ZNF891: variants seen among roughly 807,000 people sequenced by gnomAD.
ZNF891 encodes zinc finger protein 891.
For missense variants in ZNF891, 589 were observed against 632.7 expected, an observed-to-expected ratio of 0.93 and a Z score of 0.74; for synonymous variants, 199 against 209.0, an observed-to-expected ratio of 0.95 and a Z score of 0.41.
At chr12:133,125,042 C>A (rs1051942580) in intron 1 of ZNF891, among the ~76,000 whole-genome samples, 1 of 152,068 alleles carries the variant, frequency 6.6e-6, no homozygotes, top group African/African-American at 2.4e-5. Context: ...AATATGGAGA[C>A]ATAATTTTTC....
chr12:133,105,593 A>G lies in ZNF891; in HGVS notation c.*14691T>C, dbSNP rs1375343707. 1.2e-6 allele frequency: 2 copies of G among 1,614,198 alleles called. No individual in the cohort carries two copies. The highest frequency in any genetic ancestry group is 1.1e-5 in the South Asian group (1 of 91,082). ...CTCATCCCAGTATTTGATCATGGAA[A>G]GAATTCTAAGTCAAGGCCCTGTGTA... On this transcript the variant is annotated 3_prime_UTR_variant, in exon 2 of 2. Transcript: ENST00000537226.
At chr12:133,126,262 G>C (rs1212402204) in intron 1 of ZNF891, among the ~76,000 whole-genome samples, 1 of 151,932 alleles carries the variant, frequency 6.6e-6, no homozygotes, top group Admixed American at 6.6e-5. Flanking sequence ...TGGATCATGA[G>C]GTCAGGAGAT....
chr12:133,125,340 T>G (rs1955804592), intron 1 of ZNF891: 1 of 152,462 alleles, frequency 6.6e-6, no homozygotes, highest in Admixed American at 6.5e-5. Flanking sequence ...TATAAAGGAA[T>G]TACAAATTTT....
Position 133,106,053 on chromosome 12 carries a change from A to G in ZNF891, c.*14231T>C, listed in dbSNP as rs918235653. 30 of 1,614,026 alleles carry G rather than the reference A, an allele frequency of 1.9e-5. 1 individual carries two copies. The highest frequency in any genetic ancestry group is 2.5e-5 in the Non-Finnish European group (29 of 1,180,016). On this transcript the variant is annotated 3_prime_UTR_variant, in exon 2 of 2. Coordinates refer to ENST00000537226, the MANE Select transcript of ZNF891 (RefSeq NM_001277291.2). ...GGAAAGGCCTTTAGCCGTGCCTCCA[A>G]CCTCACTCGACATCAAAGAATTCAC...
Position 133,121,871 on chromosome 12 carries a change from G to C in ZNF891, c.48C>G (p.Asp16Glu), listed in dbSNP as rs752366821. ...CATTTCTCAGATGGAAACAGGCAGA[G>C]TCCTGTTTAGTTAAAGCCCATGGGG... ...LSSPWALTKQ[D>E]SACFHLRNAE... is the part of the protein sequence containing the mutation. The change falls in exon 2 of 2, where the codon GAC becomes GAG. Residue 16 changes from aspartate (D) to glutamate (E), a missense_variant. Physicochemically the swap from Asp to Glu is conservative, Grantham distance 45. Coordinates refer to ENST00000537226, the MANE Select transcript of ZNF891 (RefSeq NM_001277291.2). The C allele has an allele frequency of 1.7e-5, 26 of 1,536,224 alleles. No homozygotes were observed. The highest frequency in any genetic ancestry group is 4.1e-5 in the African/African-American group (3 of 73,012).
chr12:133,110,716 G>A lies in ZNF891; in HGVS notation c.*9568C>T, dbSNP rs981778777. Reference sequence around the variant, plus strand: ...CAGCATGATCCCAGCATGGGAGGCTGAGGCAGGCAGATCACTTGAGGTCAA... The same window carrying A: ...CAGCATGATCCCAGCATGGGAGGCTAAGGCAGGCAGATCACTTGAGGTCAA... On this transcript the variant is annotated 3_prime_UTR_variant, in exon 2 of 2. Coordinates refer to ENST00000537226, the MANE Select transcript of ZNF891 (RefSeq NM_001277291.2). The A allele has an allele frequency of 2.0e-5, 3 of 152,226 alleles. No homozygotes were observed. Among genetic ancestry groups the A allele is most frequent in the Non-Finnish European group, 4.4e-5 (3 of 68,054 alleles). The allele number at this position is 152,226 out of a possible 1,614,324, so 9.4% of individuals were successfully genotyped here.
Position 133,106,273 on chromosome 12 carries a change from T to C in ZNF891, c.*14011A>G, listed in dbSNP as rs1444218450. ...CAACCAAAACCCCGTATGAATGTAA[T>C]GAATGTAGGAAAGCTTTCCGTTGTC... On this transcript the variant is annotated 3_prime_UTR_variant, in exon 2 of 2. Coordinates refer to ENST00000537226, the MANE Select transcript of ZNF891 (RefSeq NM_001277291.2). 6.2e-7 allele frequency: 1 copy of C among 1,614,190 alleles called. No individual in the cohort carries two copies. The highest frequency in any genetic ancestry group is 8.5e-7 in the Non-Finnish European group (1 of 1,180,030).
At position 133,121,016 on chromosome 12, in the gene ZNF891, C is replaced by A. The variant is rs575551681; in HGVS notation, c.903G>T (p.Thr301=). 2.0e-6 allele frequency: 3 copies of A among 1,535,622 alleles called. No homozygotes were observed. Among genetic ancestry groups the A allele is most frequent in the Non-Finnish European group, 2.6e-6 (3 of 1,146,840 alleles). Residue 301 remains threonine, a synonymous_variant, in exon 2 of 2, where the codon ACG becomes ACT. Coordinates refer to ENST00000537226, the MANE Select transcript of ZNF891 (RefSeq NM_001277291.2). The stretch of plus-strand genomic sequence containing the variant: ...TCTTAAGGGATGATTGATGACACAG[C>A]GTTTCATCTTTATTACATTCACAGG... ...QNACECNKDE[T]LCHQSSLKKQ... is the part of the protein sequence containing the mutation.
chr12:133,110,165 A>C lies in ZNF891; in HGVS notation c.*10119T>G, dbSNP rs542782311. On this transcript the variant is annotated 3_prime_UTR_variant, in exon 2 of 2. Transcript: ENST00000537226. ...AACTCTGATATAAATATTTACTTTC[A>C]TAACAATATCTGGTGGATTATAAAA... is the stretch of plus-strand genomic sequence containing the variant. 3 of 152,374 alleles carry C rather than the reference A, an allele frequency of 2.0e-5. No individual in the cohort carries two copies. The East Asian group carries it at 5.8e-4, about 29-fold the overall frequency. 9.4% of individuals were successfully genotyped at this position (152,374 alleles called of 1,614,324 possible). A position where few individuals can be genotyped will look rare whatever the true frequency, so the allele number is the denominator to read the frequency against.
In ZNF891 at chr12:133,106,377, C is replaced by G; in HGVS notation, c.*13907G>C. The G allele has an allele frequency of 6.2e-7, 1 of 1,614,142 alleles. No individual in the cohort carries two copies. Among genetic ancestry groups the G allele is most frequent in the Non-Finnish European group, 8.5e-7 (1 of 1,180,020 alleles). ...TGTGATGAATGTGGTAAAGTTTTCA[C>G]TTGGCATGCATCCCTTATTCAACAT... On this transcript the variant is annotated 3_prime_UTR_variant, in exon 2 of 2. Transcript: ENST00000537226.
Position 133,121,710 on chromosome 12 carries a change from T to A in ZNF891, c.209A>T (p.Asp70Val), listed in dbSNP as rs1566336654. 1.1e-5 allele frequency: 17 copies of A among 1,536,670 alleles called. No individual in the cohort carries two copies. The highest frequency in any genetic ancestry group is 1.3e-5 in the Non-Finnish European group (15 of 1,146,942). ...LDSAQRSLYR[D>V]VMLENYRNLT... is the part of the protein sequence containing the mutation. ...ATTTCTATAGTTTTCCAACATCACA[T>A]CTCTGTACAGACTTCTTTGAGCAGA... The change falls in exon 2 of 2, where the codon GAT becomes GTT. Residue 70 changes from aspartate (D) to valine (V), a missense_variant. Asp to Val is a radical substitution (Grantham distance 152, BLOSUM62 -3). Transcript: ENST00000537226.
In ZNF891 at chr12:133,108,025, G is replaced by A. The variant is rs553364911; in HGVS notation, c.*12259C>T. 3 of 152,168 alleles carry A rather than the reference G, an allele frequency of 2.0e-5. No individual in the cohort carries two copies. The highest frequency in any genetic ancestry group is 4.4e-5 in the Non-Finnish European group (3 of 68,022). The allele number at this position is 152,168 out of a possible 1,614,324, so 9.4% of individuals were successfully genotyped here. A position where few individuals can be genotyped will look rare whatever the true frequency, so the allele number is the denominator to read the frequency against. On this transcript the variant is annotated 3_prime_UTR_variant, in exon 2 of 2. Coordinates refer to ENST00000537226, the MANE Select transcript of ZNF891 (RefSeq NM_001277291.2). ...TACTAGAGTTCTAAATACATTATCA[G>A]AAGTGTATTTCCTCAAACCTGCCAT... is the stretch of plus-strand genomic sequence containing the variant.
rs777397398 is a variant in ZNF891, at chr12:133,106,990, T to G, written c.*13294A>C. On this transcript the variant is annotated 3_prime_UTR_variant, in exon 2 of 2. Transcript: ENST00000537226. ...AGGAAAGAATACATATCCAATAGAT[T>G]GGAGAAAGCCAGAGATTAGCCCTCA... The G allele has an allele frequency of 3.1e-4, 54 of 175,496 alleles. No individual in the cohort carries two copies. Among genetic ancestry groups the G allele is most frequent in the Non-Finnish European group, 5.1e-4 (42 of 82,852 alleles). The allele number at this position is 175,496 out of a possible 1,614,324, so 10.9% of individuals were successfully genotyped here. A position where few individuals can be genotyped will look rare whatever the true frequency, so the allele number is the denominator to read the frequency against.
rs1955712598 is a variant in ZNF891 at position 133,115,784 on chromosome 12, T to C, written c.*4500A>G. ...TGAGTCTACCTCCTGGTGTACAGGATGAGTATTCCTTATTCAAAACACTTG... is the reference window on the plus strand; with the variant it reads ...TGAGTCTACCTCCTGGTGTACAGGACGAGTATTCCTTATTCAAAACACTTG... On this transcript the variant is annotated 3_prime_UTR_variant, in exon 2 of 2. Transcript: ENST00000537226. The C allele has an allele frequency of 1.3e-5, 2 of 152,176 alleles. No homozygotes were observed. The highest frequency in any genetic ancestry group is 2.9e-5 in the Non-Finnish European group (2 of 68,034). The allele number at this position is 152,176 out of a possible 1,614,324, so 9.4% of individuals were successfully genotyped here.
rs1288807601 is a variant in ZNF891, at chr12:133,121,922, A to G, written c.-4T>C. 1.3e-6 allele frequency: 2 copies of G among 1,530,046 alleles called. No individual in the cohort carries two copies. The highest frequency in any genetic ancestry group is 2.4e-5 in the East Asian group (1 of 40,898). 94.8% of individuals were successfully genotyped at this position (1,530,046 alleles called of 1,614,324 possible). ...AGGATAGGTCCATAACTGCCATTTT[A>G]TGAGTACATAAGCCTGCACAGTAGA... On this transcript the variant is annotated 5_prime_UTR_variant, in exon 2 of 2. The change abolishes the stop of an existing upstream ORF in the 5' untranslated region. Transcript: ENST00000537226.
intron 1 of ZNF891, among the ~76,000 whole-genome samples, chr12:133,129,856 A>AT (rs1464829095): frequency 6.6e-6 from 1 of 152,208 alleles, no homozygotes; most frequent in Non-Finnish European, 1.5e-5. Flanking sequence ...GATTCAACTC[A>AT]TTACTAGGTT....
At chr12:133,125,036 T>C (rs1414819191) in intron 1 of ZNF891, among the ~76,000 whole-genome samples, 2 of 152,092 alleles carry the variant, frequency 1.3e-5, no homozygotes, top group East Asian at 1.9e-4. Flanking sequence ...TAAAACAATA[T>C]GGAGACATAA....
chr12:133,122,504 A>G (rs1955774150), intron 1 of ZNF891, among the ~76,000 whole-genome samples: 1 of 152,206 alleles, frequency 6.6e-6, no homozygotes, highest in Non-Finnish European at 1.5e-5. Context: ...AATTTTATTG[A>G]AGTTAAAGGT....
Position 133,116,065 on chromosome 12 carries a change from T to G in ZNF891, c.*4219A>C, listed in dbSNP as rs1955713544. The G allele has an allele frequency of 6.6e-6, 1 of 152,198 alleles. No homozygotes were observed. The highest frequency in any genetic ancestry group is 1.5e-5 in the Non-Finnish European group (1 of 68,046). The allele number at this position is 152,198 out of a possible 1,614,324, so 9.4% of individuals were successfully genotyped here. On this transcript the variant is annotated 3_prime_UTR_variant, in exon 2 of 2. Transcript: ENST00000537226. Reference sequence around the variant, plus strand: ...AACCAAGCAAAGTACAATCCCTTGCTGAGTACTCCTTAAGATGATCTCACC... The same window carrying G: ...AACCAAGCAAAGTACAATCCCTTGCGGAGTACTCCTTAAGATGATCTCACC...
Sources: gnomAD v4.1 joint callset for allele counts (sites outside exome capture counted in the v4.1 genomes callset) on GRCh38, gnomAD v4.1.1 for gene constraint, MANE v1.5 for transcripts, NCBI Gene and HGNC (gene_info 2026-07-23, HGNC 2026-07-21) for gene names.